SH2D3C: variants seen among roughly 807,000 people sequenced by gnomAD.
The protein encoded by SH2D3C is SH2 domain-containing protein 3C.
A neutral mutation model predicts 75.2 loss-of-function variants in SH2D3C; 25 were observed. The observed-to-expected ratio is 0.33, with a 90% CI of 0.24 to 0.46. The LOEUF is 0.46. Ranked by LOEUF, SH2D3C falls within the 20% of genes least tolerant of loss-of-function variation. SH2D3C has a pLI of 1.00. For synonymous variants in SH2D3C, 450 were observed against 473.7 expected, an observed-to-expected ratio of 0.95 and a Z score of 0.65; for missense variants, 933 against 1,165.3, an observed-to-expected ratio of 0.80 and a Z score of 2.90.
chr9:127,766,840 G>T, intron 2 of SH2D3C: 1 of 1,267,184 alleles, frequency 7.9e-7, no homozygotes, highest in Non-Finnish European at 1.1e-6. Context: ...AAAGTGCTGG[G>T]GTTACAGGCG....
At chr9:127,767,230 G>A (rs1394906553) in intron 2 of SH2D3C, 19 of 1,494,080 alleles carry the variant, frequency 1.3e-5, no homozygotes, top group Non-Finnish European at 1.6e-5. Flanking sequence ...GAGCGGAGCT[G>A]AGGATGCTGG....
Position 127,749,273 on chromosome 9 carries a change from G to T in SH2D3C, c.1077C>A (p.Ser359Arg). The T allele has an allele frequency of 6.2e-7, 1 of 1,603,672 alleles. No homozygotes were observed. Reference protein sequence around the residue: ...GPKGSHMKRRSVTMTDGLTAD... With the variant: ...GPKGSHMKRRRVTMTDGLTAD... ...CAGTGAGCCCATCGGTCATGGTGAC[G>T]CTGCGCCGCTTCATGTGGCTGCCCT... is the stretch of plus-strand genomic sequence containing the variant. The change falls in exon 5 of 12, where the codon AGC (serine) becomes AGA (arginine). Residue 359 changes from serine (S) to arginine (R), a missense_variant. Transcript: ENST00000314830. This position sits in a 1 kb window ranked among gnomAD's most constrained non-coding sequence, Gnocchi z 5.9.
chr9:127,767,354 C>T (rs1564424140), intron 2 of SH2D3C: 1 of 1,425,828 alleles, frequency 7.0e-7, no homozygotes, highest in East Asian at 2.5e-5. Flanking sequence ...CCCCATTTTA[C>T]AGGGGAGAAA....
At chr9:127,763,405 G>A (rs1296665788) in intron 2 of SH2D3C, among the ~76,000 whole-genome samples, 1 of 152,170 alleles carries the variant, frequency 6.6e-6, no homozygotes, top group Admixed American at 6.5e-5. Context: ...GTGCCTGCAG[G>A]AGCTCAAGAA....
At chr9:127,761,452 A>G (rs1845522754) in intron 3 of SH2D3C, among the ~76,000 whole-genome samples, 159 bp downstream of exon 3, 1 of 152,046 alleles carries the variant, frequency 6.6e-6, no homozygotes, top group Non-Finnish European at 1.5e-5. Flanking sequence ...ATGAAACTGG[A>G]TCCAAATGCT....
chr9:127,738,996 C>A lies in SH2D3C; in HGVS notation c.2408-75G>T, dbSNP rs550462360. ...GAGCCCTAGCATTCTTCAGGACCCC[C>A]CTGTTAGGGACCTCCCCTCAACTCC... On this transcript the variant is annotated intron_variant, in intron 11 of 11. Transcript: ENST00000314830. The surrounding 1 kb of genome is among the most constrained non-coding windows in gnomAD (Gnocchi z 5.0). The A allele has an allele frequency of 2.2e-6, 3 of 1,362,528 alleles. No homozygotes were observed. Among genetic ancestry groups the A allele is most frequent in the East Asian group, 5.6e-5 (2 of 35,854 alleles). The allele number at this position is 1,362,528 out of a possible 1,614,324, so 84.4% of individuals were successfully genotyped here. A position where few individuals can be genotyped will look rare whatever the true frequency, so the allele number is the denominator to read the frequency against.
chr9:127,759,674 C>A (rs977270212), intron 3 of SH2D3C, among the ~76,000 whole-genome samples: 4 of 151,884 alleles, frequency 2.6e-5, no homozygotes, highest in Non-Finnish European at 5.9e-5. Context: ...CACAGTGAGA[C>A]CCCACCTTTA....
At chr9:127,757,627 G>A (rs370302689) in intron 3 of SH2D3C, among the ~76,000 whole-genome samples, 1 of 106,828 alleles carries the variant, frequency 9.4e-6, no homozygotes, top group African/African-American at 3.6e-5. Flanking sequence ...TGATGATGAT[G>A]ATGATGATGA....
intron 5 of SH2D3C, among the ~76,000 whole-genome samples, chr9:127,748,347 T>C (rs1187996576): frequency 2.0e-5 from 3 of 152,138 alleles, no homozygotes; most frequent in Non-Finnish European, 4.4e-5. Flanking sequence ...AGGGTATCCA[T>C]TCATCAATTC....
At chr9:127,745,235 A>G (rs768213279) in intron 6 of SH2D3C, 136 bp from the exon 7 acceptor site, 2 of 643,976 alleles carry the variant, frequency 3.1e-6, no homozygotes, top group Non-Finnish European at 4.6e-6. Flanking sequence ...TCCCTGCATC[A>G]CCAGAGACCA....
At position 127,754,620 on chromosome 9, in the gene SH2D3C, C is replaced by T. The variant is rs1471544624; in HGVS notation, c.556-3320G>A. Among the ~76,000 whole-genome samples the T allele has an allele frequency of 1.3e-5, 2 of 152,144 alleles. No individual in the cohort carries two copies. Among genetic ancestry groups the T allele is most frequent in the African/African-American group, 4.8e-5 (2 of 41,444 alleles). On this transcript the variant is annotated intron_variant, in intron 3 of 11. Coordinates refer to ENST00000314830, the MANE Select transcript of SH2D3C (RefSeq NM_170600.3). The surrounding 1 kb of genome is among the most constrained non-coding windows in gnomAD (Gnocchi z 4.4). ...CGGGAGGGTGGCGGGCGCTCTGGCC[C>T]CAACCCTGGCATCCGAAGCATCCCC...
At chr9:127,757,636 G>GATTATT (rs59274690) in intron 3 of SH2D3C, among the ~76,000 whole-genome samples, 9,378 of 87,474 alleles carry the variant, frequency 0.11, 486 homozygotes, top group Admixed American at 0.16. Flanking sequence ...TGATGATGAT[G>GATTATT]ATGATGATGA....
rs550297027 is a variant in SH2D3C at position 127,749,826 on chromosome 9, T to A, written c.685-161A>T. Among the ~76,000 whole-genome samples the A allele has an allele frequency of 1.3e-5, 2 of 152,112 alleles. No homozygotes were observed. The highest frequency in any genetic ancestry group is 2.4e-5 in the African/African-American group (1 of 41,514). On this transcript the variant is annotated intron_variant, in intron 4 of 11. Transcript: ENST00000314830. This position sits in a 1 kb window ranked among gnomAD's most constrained non-coding sequence, Gnocchi z 5.9. ...GACATCTGACATCTGAGAGCGGGGATGCAATGACCCAGGTTCACAGGGGGC... is the reference window on the plus strand; with the variant it reads ...GACATCTGACATCTGAGAGCGGGGAAGCAATGACCCAGGTTCACAGGGGGC...
At chr9:127,762,407 C>G (rs983020992) in intron 2 of SH2D3C, 1 of 969,864 alleles carries the variant, frequency 1.0e-6, no homozygotes, top group Non-Finnish European at 1.5e-6. Context: ...GGACGCCTCC[C>G]CTTGGATATC....
intron 3 of SH2D3C, among the ~76,000 whole-genome samples, chr9:127,759,001 C>G (rs1845461520): frequency 6.6e-6 from 1 of 152,224 alleles, no homozygotes; most frequent in African/African-American, 2.4e-5. Flanking sequence ...CCAGCCCGCC[C>G]TGTTCCAGGC....
At chr9:127,747,047 C>T (rs1344627148) in intron 6 of SH2D3C, 100 bp downstream of exon 6, 3 of 1,259,426 alleles carry the variant, frequency 2.4e-6, no homozygotes, top group Non-Finnish European at 3.3e-6. Context: ...AAAGGTCGCG[C>T]CTCATAAAAG....
intron 3 of SH2D3C, among the ~76,000 whole-genome samples, chr9:127,755,563 C>G (rs1297624249): frequency 6.6e-6 from 1 of 152,162 alleles, no homozygotes; most frequent in Non-Finnish European, 1.5e-5. Flanking sequence ...TCTAACAGAC[C>G]GGGAGCGGGC....
chr9:127,742,808 G>C lies in SH2D3C; in HGVS notation c.1916+41C>G, dbSNP rs773955599. The C allele has an allele frequency of 6.7e-6, 10 of 1,503,206 alleles. 1 individual carries two copies. The South Asian group carries it at 8.2e-5, about 12-fold the overall frequency. 93.1% of individuals were successfully genotyped at this position (1,503,206 alleles called of 1,614,324 possible). On this transcript the variant is annotated intron_variant, in intron 8 of 11. Transcript: ENST00000314830. ...CCGTCCAGCGGGGAGTGCGGTAGCCGGGGGTTCCCCGCGAGTCCCCGGGTG... is the reference window on the plus strand; with the variant it reads ...CCGTCCAGCGGGGAGTGCGGTAGCCCGGGGTTCCCCGCGAGTCCCCGGGTG...
At chr9:127,765,934 C>A (rs1175657112) in intron 2 of SH2D3C, among the ~76,000 whole-genome samples, 2 of 152,190 alleles carry the variant, frequency 1.3e-5, no homozygotes, top group African/African-American at 4.8e-5. Context: ...AAATAACCAA[C>A]CCCTTTCACT....
Sources: gnomAD v4.1 joint callset for allele counts (sites outside exome capture counted in the v4.1 genomes callset) on GRCh38, gnomAD v4.1.1 for gene constraint, Gnocchi (gnomAD v3.1) non-coding constraint, MANE v1.5 for transcripts, NCBI Gene and HGNC (gene_info 2026-07-23, HGNC 2026-07-21) for gene names.